Variants in CTCF observed in about 807,000 individuals in gnomAD.
CTCF encodes CCCTC-binding factor, also known as transcriptional repressor CTCF.
A neutral mutation model predicts 72.3 loss-of-function variants in CTCF; 7 were observed. The ratio of observed to expected loss-of-function variants is 0.10; its 90% CI spans 0.06 to 0.18. CTCF has a LOEUF of 0.18. Among genes scored for constraint, CTCF ranks in the 10% least tolerant of loss-of-function variants. The pLI is 1.00. For synonymous variants in CTCF, 374 were observed against 315.8 expected (o/e 1.18, Z -1.95); for missense variants, 516 against 949.1 (o/e 0.54, Z 6.00).
chr16:67,586,033 A>G (rs1479231359), intron 2 of CTCF, among the ~76,000 whole-genome samples: 2 of 152,030 alleles, frequency 1.3e-5, no homozygotes, highest in African/African-American at 4.8e-5. Flanking sequence ...TTTGTTGCCT[A>G]TACATGTTTG....
intron 1 of CTCF, 89 bp downstream of exon 1, chr16:67,562,813 C>A (rs1467757036): frequency 6.7e-6 from 1 of 148,608 alleles, no homozygotes; most frequent in African/African-American, 2.5e-5. Flanking sequence ...TGCAGCCCGG[C>A]GCCAGCGCCG....
chr16:67,591,405 G>A (rs1216711901), intron 2 of CTCF, among the ~76,000 whole-genome samples: 1 of 152,154 alleles, frequency 6.6e-6, no homozygotes. Context: ...GAAAGAAATG[G>A]TCACTATTAT....
At chr16:67,605,147 T>C (rs1468309970) in intron 2 of CTCF, among the ~76,000 whole-genome samples, 3 of 151,896 alleles carry the variant, frequency 2.0e-5, no homozygotes, top group Admixed American at 6.6e-5. Flanking sequence ...TAATTTTTTG[T>C]ATTTTTTAGT....
intron 2 of CTCF, among the ~76,000 whole-genome samples, chr16:67,578,999 A>G (rs1337546616): frequency 1.3e-5 from 2 of 151,474 alleles, no homozygotes; most frequent in Non-Finnish European, 2.9e-5. Flanking sequence ...TCACGCCTGT[A>G]ATCCCAGCAC....
intron 1 of CTCF, chr16:67,567,785 T>G (rs1355369004): frequency 6.6e-6 from 1 of 151,396 alleles, no homozygotes. Context: ...AGAGACAGGA[T>G]CCTACTATGT....
chr16:67,592,035 T>C (rs1174515803), intron 2 of CTCF, among the ~76,000 whole-genome samples: 2 of 152,074 alleles, frequency 1.3e-5, no homozygotes, highest in African/African-American at 2.4e-5. Context: ...ATTGCTTTTT[T>C]TCCCCTCCTT....
In CTCF at chr16:67,592,472, G is replaced by A. The variant is rs1278941188; in HGVS notation, c.-9-18352G>A. Among the ~76,000 whole-genome samples the A allele has an allele frequency of 2.0e-5, 3 of 152,146 alleles. No homozygotes were observed. In the East Asian group the frequency reaches 5.8e-4, roughly 29 times the overall value. On this transcript the variant is annotated intron_variant, in intron 2 of 11. Coordinates refer to ENST00000264010, the MANE Select transcript of CTCF (RefSeq NM_006565.4). ...TGTAATCCCAGTAATTTAGGAGGCTGAGGTGGGAGGATCACCAGAGCTCAG... is the reference window on the plus strand; with the variant it reads ...TGTAATCCCAGTAATTTAGGAGGCTAAGGTGGGAGGATCACCAGAGCTCAG...
chr16:67,611,160 A>G lies in CTCF; in HGVS notation c.328A>G (p.Ile110Val), dbSNP rs1438992915. ...AAATATGGAGGAACAGCCCATAAAC[A>G]TAGGAGAACTTCAGCTTGTTCAAGT... Reference protein sequence around the residue: ...VVNMEEQPINIGELQLVQVPV... With the variant: ...VVNMEEQPINVGELQLVQVPV... Residue 110 changes from isoleucine to valine, a missense_variant, in exon 3 of 12, where the codon ATA becomes GTA. By Grantham distance (29) the Ile-to-Val change is conservative (BLOSUM62 3). Transcript: ENST00000264010. The G allele has an allele frequency of 3.1e-6, 5 of 1,614,148 alleles. No individual in the cohort carries two copies. The highest frequency in any genetic ancestry group is 4.2e-6 in the Non-Finnish European group (5 of 1,180,002).
At chr16:67,604,964 A>ATTTTTT (rs34873720) in intron 2 of CTCF, among the ~76,000 whole-genome samples, 7 of 73,780 alleles carry the variant, frequency 9.5e-5, no homozygotes, top group Admixed American at 1.5e-4. Context: ...TATAAATGGG[A>ATTTTTT]TTTTTTTTTT....
intron 2 of CTCF, among the ~76,000 whole-genome samples, chr16:67,594,025 A>G (rs940731673): frequency 9.2e-5 from 14 of 152,190 alleles, no homozygotes; most frequent in Non-Finnish European, 1.8e-4. Flanking sequence ...AAATTAGTGT[A>G]TTCACAATTA....
chr16:67,612,006 A>G lies in CTCF; in HGVS notation c.837A>G (p.Ser279=). 6.2e-7 allele frequency: 1 copy of G among 1,614,210 alleles called. No individual in the cohort carries two copies. The change falls in exon 4 of 12, where the codon TCA becomes TCG. Residue 279 remains serine, a synonymous_variant. Coordinates refer to ENST00000264010, the MANE Select transcript of CTCF (RefSeq NM_006565.4). The stretch of plus-strand genomic sequence containing the variant: ...GCAGTTACACGTGTCCACGGCGTTC[A>G]AATTTGGATCGTCACATGAAAAGCC... ...ELCSYTCPRR[S]NLDRHMKSHT... is the part of the protein sequence containing the mutation.
intron 10 of CTCF, among the ~76,000 whole-genome samples, chr16:67,636,235 G>A (rs914847096): frequency 6.6e-6 from 1 of 152,124 alleles, no homozygotes; most frequent in Non-Finnish European, 1.5e-5. Flanking sequence ...AATCAGCCAG[G>A]TGTGGTGGCG....
chr16:67,607,074 G>T (rs761181339), intron 2 of CTCF, among the ~76,000 whole-genome samples: 1 of 150,398 alleles, frequency 6.6e-6, no homozygotes, highest in Non-Finnish European at 1.5e-5. Flanking sequence ...CTTCTGCCTC[G>T]GCCTCCTGAG....
At chr16:67,578,673 C>T (rs1487305447) in intron 2 of CTCF, among the ~76,000 whole-genome samples, 2 of 151,910 alleles carry the variant, frequency 1.3e-5, no homozygotes, top group Non-Finnish European at 2.9e-5. Context: ...ATAGGCCGGG[C>T]ATGGTGTCTC....
At chr16:67,630,821 G>C (rs2052352973) in intron 10 of CTCF, among the ~76,000 whole-genome samples, 1 of 152,230 alleles carries the variant, frequency 6.6e-6, no homozygotes, top group African/African-American at 2.4e-5. Context: ...GTAACTTGGA[G>C]GCCACATTTA....
intron 2 of CTCF, among the ~76,000 whole-genome samples, chr16:67,581,506 T>C (rs1255062540): frequency 6.6e-6 from 1 of 151,852 alleles, no homozygotes; most frequent in African/African-American, 2.4e-5. Flanking sequence ...TTTATTTTTA[T>C]TTTATTTATC....
At chr16:67,578,245 T>A (rs2051528710) in intron 2 of CTCF, among the ~76,000 whole-genome samples, 1 of 150,946 alleles carries the variant, frequency 6.6e-6, no homozygotes, top group South Asian at 2.1e-4. Context: ...TTTTTCTTCC[T>A]CAGAGGCAAT....
chr16:67,612,144 G>T (rs763518001), intron 4 of CTCF, 23 bp downstream of exon 4: 75 of 1,588,234 alleles, frequency 4.7e-5, no homozygotes, highest in Non-Finnish European at 6.3e-5. Flanking sequence ...AATGTTGGGG[G>T]CTACAACAGC....
At chr16:67,608,046 T>G (rs2052001373) in intron 2 of CTCF, among the ~76,000 whole-genome samples, 1 of 126,192 alleles carries the variant, frequency 7.9e-6, no homozygotes. Context: ...AAAAACCGGT[T>G]GGGCGCAGTG....
Sources: allele counts gnomAD v4.1 joint callset (sites outside exome capture counted in the v4.1 genomes callset), GRCh38; gene constraint gnomAD v4.1.1; transcripts MANE v1.5; gene names NCBI Gene and HGNC (gene_info 2026-07-23, HGNC 2026-07-21).